ARHGAP39: variants seen among roughly 807,000 people sequenced by gnomAD.
ARHGAP39 encodes rho GTPase-activating protein 39.
A neutral mutation model predicts 106.9 loss-of-function variants in ARHGAP39; 44 were observed. The ratio of observed to expected loss-of-function variants is 0.41; its 90% CI spans 0.32 to 0.53. The LOEUF is 0.53. Ranked by LOEUF, ARHGAP39 falls within the 20% of genes least tolerant of loss-of-function variation. ARHGAP39 has a pLI of 0.21. For missense variants in ARHGAP39, 1,496 were observed against 1,577.3 expected (o/e 0.95, Z 0.87); for synonymous variants, 768 against 693.2 (o/e 1.11, Z -1.69).
chr8:144,581,981 C>T (rs192751418), intron 2 of ARHGAP39, among the ~76,000 whole-genome samples: 12 of 151,518 alleles, frequency 7.9e-5, no homozygotes, highest in Admixed American at 5.9e-4. Context: ...TGGACCCATG[C>T]ATCCGTCTCT....
At chr8:144,593,425 T>C (rs942299220) in intron 2 of ARHGAP39, among the ~76,000 whole-genome samples, 3 of 151,966 alleles carry the variant, frequency 2.0e-5, no homozygotes, top group Non-Finnish European at 4.4e-5. Context: ...ACACAAACAT[T>C]AATCCAAAGT....
chr8:144,650,657 CAT>C (rs919718315), intron 1 of ARHGAP39, among the ~76,000 whole-genome samples: 21 of 152,176 alleles, frequency 1.4e-4, no homozygotes, highest in African/African-American at 3.6e-4. Context: ...ACAAAAACCA[CAT>C]GATTATCTCA....
rs769539342 is a variant in ARHGAP39 at position 144,581,311 on chromosome 8, A to T, written c.81-34T>A. The T allele has an allele frequency of 1.7e-5, 25 of 1,510,118 alleles. No homozygotes were observed. In the African/African-American group the frequency reaches 3.2e-4, roughly 19 times the overall value. 93.5% of individuals were successfully genotyped at this position (1,510,118 alleles called of 1,614,324 possible). A position where few individuals can be genotyped will look rare whatever the true frequency, so the allele number is the denominator to read the frequency against. On this transcript the variant is annotated intron_variant, in intron 2 of 11. Coordinates refer to ENST00000377307, the MANE Select transcript of ARHGAP39 (RefSeq NM_025251.3). ...AGACAGGGTTAAGGCGGCTGGAGCC[A>T]CGGCGGCCTGGGCCCGCGCCTCCCA...
chr8:144,549,753 A>G (rs11783362), intron 4 of ARHGAP39, among the ~76,000 whole-genome samples: 17 of 152,080 alleles, frequency 1.1e-4, no homozygotes, highest in Non-Finnish European at 2.4e-4. Context: ...TCGGCCTCCC[A>G]AAGTGCTGGG....
At chr8:144,662,188 C>T (rs1821840406) in intron 1 of ARHGAP39, among the ~76,000 whole-genome samples, 1 of 150,884 alleles carries the variant, frequency 6.6e-6, no homozygotes. Context: ...TTGGATCACT[C>T]CACCCTCCCC....
Position 144,545,307 on chromosome 8 carries a change from G to T in ARHGAP39, c.2463C>A (p.Phe821Leu). Residue 821 changes from phenylalanine to leucine, a missense_variant, in exon 6 of 12, where the codon TTC (phenylalanine) becomes TTA (leucine). Phe to Leu is a conservative substitution (Grantham distance 22, BLOSUM62 0). Around this residue, in one of 4 missense-constraint regions of ARHGAP39, gnomAD observed 470 missense variants for 605.1 expected, o/e 0.78. Transcript: ENST00000377307. ...AGATGTAGCCTTCCAGGTAGGAGTG[G>T]AACTTGGGGGTGGGCGGGAAAAAGG... is the stretch of plus-strand genomic sequence containing the variant. ...CLAFFPPTPK[F>L]HSYLEGYIYR... 2 of 1,587,484 alleles carry T rather than the reference G, an allele frequency of 1.3e-6. No homozygotes were observed. The highest frequency in any genetic ancestry group is 1.7e-6 in the Non-Finnish European group (2 of 1,162,482).
chr8:144,584,789 C>T (rs183714978), intron 2 of ARHGAP39, among the ~76,000 whole-genome samples: 8 of 152,152 alleles, frequency 5.3e-5, no homozygotes, highest in Non-Finnish European at 1.2e-4. Flanking sequence ...TAGAATAAAT[C>T]GAGTTTCTGT....
At chr8:144,667,553 G>A (rs1586647486) in intron 1 of ARHGAP39, among the ~76,000 whole-genome samples, 2 of 152,320 alleles carry the variant, frequency 1.3e-5, no homozygotes, top group Middle Eastern at 3.4e-3. Flanking sequence ...GGGATGTCCC[G>A]GCACCTGGGA....
chr8:144,583,434 C>A (rs934146610), intron 2 of ARHGAP39, among the ~76,000 whole-genome samples: 4 of 152,214 alleles, frequency 2.6e-5, no homozygotes, highest in African/African-American at 9.6e-5. Context: ...CACGTGGAGG[C>A]ACAGACGGGG....
intron 1 of ARHGAP39, among the ~76,000 whole-genome samples, chr8:144,673,118 G>A (rs1292640094): frequency 6.6e-6 from 1 of 152,084 alleles, no homozygotes; most frequent in Non-Finnish European, 1.5e-5. Flanking sequence ...TTGGGAGGCT[G>A]AGGCAGGAGG....
At chr8:144,665,633 G>A (rs536029789) in intron 1 of ARHGAP39, among the ~76,000 whole-genome samples, 52 of 152,298 alleles carry the variant, frequency 3.4e-4, no homozygotes, top group African/African-American at 1.1e-3. Context: ...CTCAGGCTGC[G>A]GCTTCAGAGG....
chr8:144,653,240 G>A (rs951575411), intron 1 of ARHGAP39, among the ~76,000 whole-genome samples: 3 of 152,196 alleles, frequency 2.0e-5, no homozygotes, highest in African/African-American at 7.2e-5. Flanking sequence ...AGTGGAGGTT[G>A]CAGTGAGCCA....
chr8:144,534,319 G>A (rs557226528), intron 7 of ARHGAP39, 117 bp from the exon 8 acceptor site: 30 of 1,108,362 alleles, frequency 2.7e-5, no homozygotes, highest in Middle Eastern at 2.0e-4. Context: ...GCCTTGCCCC[G>A]GTCACCCCCT....
At chr8:144,584,749 C>T (rs532171033) in intron 2 of ARHGAP39, among the ~76,000 whole-genome samples, 17 of 152,256 alleles carry the variant, frequency 1.1e-4, no homozygotes, top group African/African-American at 3.6e-4. Flanking sequence ...GGTGACAGAG[C>T]GAGACTCTGT....
chr8:144,676,123 T>C (rs1822231258), intron 1 of ARHGAP39, among the ~76,000 whole-genome samples: 1 of 152,212 alleles, frequency 6.6e-6, no homozygotes, highest in Non-Finnish European at 1.5e-5. Context: ...GAACAAAGCT[T>C]CCACAGCATG....
At chr8:144,565,392 A>C (rs1818357425) in intron 3 of ARHGAP39, among the ~76,000 whole-genome samples, 1 of 152,230 alleles carries the variant, frequency 6.6e-6, no homozygotes, top group Admixed American at 6.5e-5. Context: ...AAAATAAAGA[A>C]AAAAGAGAAA....
At chr8:144,551,172 G>A (rs1586894976) in intron 4 of ARHGAP39, among the ~76,000 whole-genome samples, 1 of 151,988 alleles carries the variant, frequency 6.6e-6, no homozygotes, top group Non-Finnish European at 1.5e-5. Context: ...TGGCCCCAGG[G>A]AGGCGCCTTT....
At chr8:144,539,076 C>T (rs1817083621) in intron 6 of ARHGAP39, among the ~76,000 whole-genome samples, 1 of 152,026 alleles carries the variant, frequency 6.6e-6, no homozygotes, top group African/African-American at 2.4e-5. Context: ...CCCATTTCTC[C>T]AAGGAACTCT....
intron 1 of ARHGAP39, among the ~76,000 whole-genome samples, chr8:144,607,013 ACC>A: frequency 6.6e-6 from 1 of 151,296 alleles, no homozygotes; most frequent in African/African-American, 2.4e-5. Flanking sequence ...AAAAAAAAAA[ACC>A]CACATCCTAA....
Sources: gnomAD v4.1 joint callset for allele counts (sites outside exome capture counted in the v4.1 genomes callset) on GRCh38, gnomAD v4.1.1 for gene constraint, gnomAD v4.1.1 regional missense constraint, MANE v1.5 for transcripts, NCBI Gene and HGNC (gene_info 2026-07-23, HGNC 2026-07-21) for gene names.